TMEM106B: variants seen among roughly 807,000 people sequenced by gnomAD.
The protein encoded by TMEM106B is transmembrane protein 106B.
Under a neutral mutation model 31.1 loss-of-function variants are expected in TMEM106B, and 15 were observed. The observed-to-expected ratio is 0.48, with a 90% CI of 0.32 to 0.74. TMEM106B has a LOEUF of 0.74. Among genes scored for constraint, TMEM106B ranks in the 30% least tolerant of loss-of-function variants. The probability of loss-of-function intolerance (pLI) is 0.03; values close to 1 mark genes in which losing one functional copy is unlikely to be tolerated. For missense variants in TMEM106B, 283 were observed against 327.3 expected (o/e 0.86, Z 1.04); for synonymous variants, 126 against 112.5 (o/e 1.12, Z -0.76).
intron 4 of TMEM106B, among the ~76,000 whole-genome samples, chr7:12,227,508 A>T (rs1339289736): frequency 6.6e-5 from 10 of 152,058 alleles, no homozygotes; most frequent in South Asian, 2.1e-4. Context: ...ATTTCAACTG[A>T]GGTCACAGTA....
Position 12,233,184 on chromosome 7 carries a change from G to C in TMEM106B, c.*1209G>C, listed in dbSNP as rs890129295. 4.7e-5 allele frequency: 7 copies of C among 148,724 alleles called. No individual in the cohort carries two copies. The highest frequency in any genetic ancestry group is 4.2e-4 in the South Asian group (2 of 4,770). 9.2% of individuals were successfully genotyped at this position (148,724 alleles called of 1,614,324 possible). On this transcript the variant is annotated 3_prime_UTR_variant, in exon 8 of 8. Transcript: ENST00000396668. The stretch of plus-strand genomic sequence containing the variant: ...TTATTTAAAATTGTTTTCAAATATA[G>C]ATTATTGACTTATTCAACTTTGCTG...
At position 12,233,441 on chromosome 7, in the gene TMEM106B, C is replaced by G. The variant is rs1199603918; in HGVS notation, c.*1466C>G. ...AAACAGCCTGTTTATTAGTCTGACTCTCTCAACCATAAAACATAAGCTTTA... is the reference window on the plus strand; with the variant it reads ...AAACAGCCTGTTTATTAGTCTGACTGTCTCAACCATAAAACATAAGCTTTA... On this transcript the variant is annotated 3_prime_UTR_variant, in exon 8 of 8. Coordinates refer to ENST00000396668, the MANE Select transcript of TMEM106B (RefSeq NM_001134232.2). 2 of 151,526 alleles carry G rather than the reference C, an allele frequency of 1.3e-5. No homozygotes were observed. Among genetic ancestry groups the G allele is most frequent in the Non-Finnish European group, 3.0e-5 (2 of 67,640 alleles). The allele number at this position is 151,526 out of a possible 1,614,324, so 9.4% of individuals were successfully genotyped here.
rs183337147 is a variant in TMEM106B, at chr7:12,220,031, A to G, written c.281+1510A>G. On this transcript the variant is annotated intron_variant, in intron 3 of 7. Coordinates refer to ENST00000396668, the MANE Select transcript of TMEM106B (RefSeq NM_001134232.2). ...CAACAAAACTCCTAAATACCTAGGC[A>G]AAAGGATCAATTAATTTATAAATGT... Among the ~76,000 whole-genome samples, 17 of 152,312 alleles carry G rather than the reference A, an allele frequency of 1.1e-4. No homozygotes were observed. The East Asian group carries it at 3.3e-3, about 29-fold the overall frequency.
At chr7:12,219,641 T>G (rs1474158314) in intron 3 of TMEM106B, among the ~76,000 whole-genome samples, 1 of 151,988 alleles carries the variant, frequency 6.6e-6, no homozygotes, top group Non-Finnish European at 1.5e-5. Flanking sequence ...AACTAAACAA[T>G]GGGAGTATGT....
Position 12,230,398 on chromosome 7 carries a change from A to G in TMEM106B, c.592A>G (p.Thr198Ala). ...TCCTTTTGCCTTTCAGATTGATTAC[A>G]CAGTACCTACCGTTATAGCAGAGGA... is the stretch of plus-strand genomic sequence containing the variant. ...GPLDMKQIDY[T>A]VPTVIAEEMS... is the part of the protein sequence containing the mutation. Residue 198 changes from threonine to alanine, a missense_variant, in exon 6 of 8, where the codon ACA (threonine) becomes GCA (alanine). Thr to Ala is a moderately conservative substitution (Grantham distance 58). Transcript: ENST00000396668. The G allele has an allele frequency of 6.2e-7, 1 of 1,603,794 alleles. No individual in the cohort carries two copies. Among genetic ancestry groups the G allele is most frequent in the Non-Finnish European group, 8.5e-7 (1 of 1,172,348 alleles).
intron 2 of TMEM106B, 121 bp downstream of exon 2, chr7:12,215,148 T>A: frequency 1.4e-6 from 1 of 719,332 alleles, no homozygotes; most frequent in South Asian, 2.3e-5. Flanking sequence ...AGTTGAAACA[T>A]CATATCAGTT....
At chr7:12,225,129 G>A (rs1028332464) in intron 4 of TMEM106B, among the ~76,000 whole-genome samples, 1 of 151,912 alleles carries the variant, frequency 6.6e-6, no homozygotes, top group East Asian at 1.9e-4. Flanking sequence ...TTGGTTTTCT[G>A]TCCTTGTGAT....
intron 1 of TMEM106B, chr7:12,214,348 C>T (rs1781642800): frequency 6.5e-6 from 1 of 153,294 alleles, no homozygotes. Flanking sequence ...ATCCTCCTCC[C>T]TTGTCTTAAC....
At position 12,232,854 on chromosome 7, in the gene TMEM106B, T is replaced by C. The variant is rs1782053377; in HGVS notation, c.*879T>C. 6.6e-6 allele frequency: 1 copy of C among 151,994 alleles called. No individual in the cohort carries two copies. The highest frequency in any genetic ancestry group is 2.4e-5 in the African/African-American group (1 of 41,432). 9.4% of individuals were successfully genotyped at this position (151,994 alleles called of 1,614,324 possible). A position where few individuals can be genotyped will look rare whatever the true frequency, so the allele number is the denominator to read the frequency against. On this transcript the variant is annotated 3_prime_UTR_variant, in exon 8 of 8. Coordinates refer to ENST00000396668, the MANE Select transcript of TMEM106B (RefSeq NM_001134232.2). Reference sequence around the variant, plus strand: ...ACTGGGAATAGGTTCCAGTTACAGCTTGGATCTGGCATAAAATAAATTTGA... The same window carrying C: ...ACTGGGAATAGGTTCCAGTTACAGCCTGGATCTGGCATAAAATAAATTTGA...
At chr7:12,229,595 C>G in intron 4 of TMEM106B, 84 bp from the exon 5 acceptor site, 3 of 1,106,000 alleles carry the variant, frequency 2.7e-6, no homozygotes, top group Non-Finnish European at 3.8e-6. Flanking sequence ...TGAAGCATAG[C>G]TACAGCTGAA....
intron 2 of TMEM106B, among the ~76,000 whole-genome samples, chr7:12,216,746 GA>G (rs1373707356): frequency 6.6e-6 from 1 of 152,186 alleles, no homozygotes; most frequent in Non-Finnish European, 1.5e-5. Flanking sequence ...GAAGATAAGT[GA>G]AGAAAGTGTA....
intron 4 of TMEM106B, among the ~76,000 whole-genome samples, 198 bp downstream of exon 4, chr7:12,224,583 A>T (rs183347918): frequency 1.3e-5 from 2 of 152,240 alleles, no homozygotes; most frequent in East Asian, 3.9e-4. Flanking sequence ...GCAATTCTGT[A>T]TATACAGAAT....
intron 7 of TMEM106B, chr7:12,231,612 T>C (rs1356494930): frequency 2.6e-6 from 1 of 380,580 alleles, no homozygotes; most frequent in Non-Finnish European, 4.7e-6. Context: ...TGTTTTAAAA[T>C]ATTACACTTA....
At chr7:12,217,358 A>G (rs1217830287) in intron 2 of TMEM106B, among the ~76,000 whole-genome samples, 1 of 152,188 alleles carries the variant, frequency 6.6e-6, no homozygotes, top group East Asian at 1.9e-4. Context: ...GAGGATAGCG[A>G]AGAAGATATT....
rs545025433 is a variant in TMEM106B, at chr7:12,239,620, C to G, written c.*7645C>G. On this transcript the variant is annotated 3_prime_UTR_variant, in exon 8 of 8. Transcript: ENST00000396668. The stretch of plus-strand genomic sequence containing the variant: ...GAAAGTGAGAGATATGTGACTCTTC[C>G]TTTTACTTGAACAGTTAGAGGCTAT... 6.6e-6 allele frequency: 1 copy of G among 152,086 alleles called. No individual in the cohort carries two copies. Among genetic ancestry groups the G allele is most frequent in the Admixed American group, 6.5e-5 (1 of 15,268 alleles). 9.4% of individuals were successfully genotyped at this position (152,086 alleles called of 1,614,324 possible). A position where few individuals can be genotyped will look rare whatever the true frequency, so the allele number is the denominator to read the frequency against.
chr7:12,236,829 C>T lies in TMEM106B; in HGVS notation c.*4854C>T, dbSNP rs1013066184. On this transcript the variant is annotated 3_prime_UTR_variant, in exon 8 of 8. Transcript: ENST00000396668. ...GGCATAAATTATTAACAAGCCATGC[C>T]TTATGTGTTTCATCTTATATTTTTC... 1 of 151,888 alleles carries T rather than the reference C, an allele frequency of 6.6e-6. No individual in the cohort carries two copies. The highest frequency in any genetic ancestry group is 1.5e-5 in the Non-Finnish European group (1 of 67,904). The allele number at this position is 151,888 out of a possible 1,614,324, so 9.4% of individuals were successfully genotyped here.
rs1782174903 is a variant in TMEM106B at position 12,238,086 on chromosome 7, C to G, written c.*6111C>G. 6.6e-6 allele frequency: 1 copy of G among 152,388 alleles called. No individual in the cohort carries two copies. Among genetic ancestry groups the G allele is most frequent in the Non-Finnish European group, 1.5e-5 (1 of 68,262 alleles). 9.4% of individuals were successfully genotyped at this position (152,388 alleles called of 1,614,324 possible). On this transcript the variant is annotated 3_prime_UTR_variant, in exon 8 of 8. Coordinates refer to ENST00000396668, the MANE Select transcript of TMEM106B (RefSeq NM_001134232.2). ...TGATGCTGTTTTGATAGCATTTTAC[C>G]AATGGTAGGTCTTTTTTCAAAATTG...
chr7:12,217,137 A>G (rs1583451140), intron 2 of TMEM106B, among the ~76,000 whole-genome samples: 1 of 152,248 alleles, frequency 6.6e-6, no homozygotes, highest in African/African-American at 2.4e-5. Context: ...TATTGGAGCA[A>G]TGTTCTTGAA....
intron 3 of TMEM106B, among the ~76,000 whole-genome samples, chr7:12,219,756 G>A (rs528627048): frequency 1.3e-5 from 2 of 152,238 alleles, no homozygotes; most frequent in South Asian, 2.1e-4. Context: ...CAGGGAAATA[G>A]AACATAAACG....
Sources: gnomAD v4.1 joint callset for allele counts (sites outside exome capture counted in the v4.1 genomes callset) on GRCh38, gnomAD v4.1.1 for gene constraint, MANE v1.5 for transcripts, NCBI Gene and HGNC (gene_info 2026-07-23, HGNC 2026-07-21) for gene names.